The following CFAP92 variants were observed in gnomAD, a reference collection of about 807,000 sequenced individuals.
CFAP92 encodes the protein uncharacterized protein CFAP92.
A neutral mutation model predicts 106.3 loss-of-function variants in CFAP92; 86 were observed. The observed-to-expected ratio is 0.81, with a 90% confidence interval of 0.68 to 0.97. The LOEUF is 0.97. Among genes scored for constraint, CFAP92 ranks in the 50% least tolerant of loss-of-function variants. The pLI is 0.00. For missense variants in CFAP92, 1,204 were observed against 1,283.8 expected, an observed-to-expected ratio of 0.94 and a Z score of 0.95; for synonymous variants, 477 against 506.4, an observed-to-expected ratio of 0.94 and a Z score of 0.78.
At chr3:129,016,704 T>A in the CFAP92 span, among the ~76,000 whole-genome samples, 1 of 152,022 alleles carries the variant, frequency 6.6e-6, no homozygotes, top group East Asian at 2.0e-4. Flanking sequence ...ACTTCTCTGG[T>A]CAAACCCTGA....
At chr3:129,013,523 C>T in the CFAP92 span, among the ~76,000 whole-genome samples, 3 of 152,204 alleles carry the variant, frequency 2.0e-5, no homozygotes, top group African/African-American at 7.2e-5. Flanking sequence ...ACATTCTTCC[C>T]ATAAGGTAGC....
intron 4 of CFAP92, among the ~76,000 whole-genome samples, chr3:128,986,784 C>T (rs1478200743): frequency 2.0e-5 from 3 of 152,178 alleles, no homozygotes; most frequent in African/African-American, 4.8e-5. Flanking sequence ...AAGATGGAGA[C>T]AGGACTGAAT....
intron 9 of CFAP92, among the ~76,000 whole-genome samples, chr3:128,948,522 C>A (rs1940479004): frequency 6.8e-6 from 1 of 146,214 alleles, no homozygotes; most frequent in African/African-American, 2.6e-5. Flanking sequence ...CCGTGCCCAT[C>A]CCGGAATTTT....
At chr3:128,984,073 G>C (rs1433961316) in intron 4 of CFAP92, among the ~76,000 whole-genome samples, 1 of 152,190 alleles carries the variant, frequency 6.6e-6, no homozygotes, top group Non-Finnish European at 1.5e-5. Context: ...CTGGGCACCA[G>C]GTGGGGGTGC....
At chr3:128,989,406 G>A (rs1944075350) in intron 2 of CFAP92, among the ~76,000 whole-genome samples, 1 of 145,136 alleles carries the variant, frequency 6.9e-6, no homozygotes, top group African/African-American at 2.5e-5. Context: ...AGGGTGGGGT[G>A]GGCCTCCCAG....
chr3:128,962,722 A>C (rs1393588811), intron 9 of CFAP92, among the ~76,000 whole-genome samples: 2 of 152,166 alleles, frequency 1.3e-5, no homozygotes, highest in Non-Finnish European at 2.9e-5. Flanking sequence ...AAAAGGATTA[A>C]AGCCTGTGAT....
chr3:128,953,587 CT>C (rs1559891460), intron 9 of CFAP92, among the ~76,000 whole-genome samples: 2 of 116,714 alleles, frequency 1.7e-5, no homozygotes, highest in African/African-American at 1.1e-4. Context: ...CCCTCTCCCT[CT>C]CCCTCTCCCT....
At chr3:128,964,017 AC>A (rs1444562397) in intron 9 of CFAP92, among the ~76,000 whole-genome samples, 5 of 152,182 alleles carry the variant, frequency 3.3e-5, no homozygotes, top group South Asian at 2.1e-4. Flanking sequence ...TGAGAAGGCC[AC>A]CGCAGTCATT....
intron 1 of CFAP92, chr3:129,001,672 C>G: frequency 6.9e-7 from 1 of 1,446,274 alleles, no homozygotes; most frequent in Non-Finnish European, 9.1e-7. Flanking sequence ...ATGGAGGGCG[C>G]GGGAGGTGAC....
intron 12 of CFAP92, among the ~76,000 whole-genome samples, chr3:128,926,196 G>C (rs1872545): frequency 0.43 from 65,773 of 152,132 alleles, 16,718 homozygotes; most frequent in African/African-American, 0.7. Context: ...CAACATTATT[G>C]AGAGAGAGAC....
chr3:128,933,375 G>C lies in CFAP92; in HGVS notation c.2454-378C>G, dbSNP rs569260249. Among the ~76,000 whole-genome samples, 8 of 152,350 alleles carry C rather than the reference G, an allele frequency of 5.3e-5. No individual in the cohort carries two copies. In the East Asian group the frequency reaches 1.3e-3, roughly 26 times the overall value. On this transcript the variant is annotated intron_variant, in intron 11 of 15. Transcript: ENST00000645291. Reference sequence around the variant, plus strand: ...GAGGACATCATACACCGAGCCTCAGGGGGCTGGCTGTTAATAGAGGAGAAG... The same window carrying C: ...GAGGACATCATACACCGAGCCTCAGCGGGCTGGCTGTTAATAGAGGAGAAG...
At chr3:128,978,278 G>A (rs757741087) in intron 4 of CFAP92, 93 bp from the exon 5 acceptor site, 115 of 1,383,510 alleles carry the variant, frequency 8.3e-5, no homozygotes, top group Middle Eastern at 1.8e-4. Flanking sequence ...GACACTGGGC[G>A]TTCGGTTTCA....
intron 15 of CFAP92, 89 bp downstream of exon 15, chr3:128,915,030 A>G: frequency 7.5e-7 from 1 of 1,330,954 alleles, no homozygotes; most frequent in Non-Finnish European, 1.0e-6. Flanking sequence ...TGTAAACAAA[A>G]TGGATACCAC....
chr3:128,927,655 C>T (rs987886545), intron 12 of CFAP92, among the ~76,000 whole-genome samples: 20 of 148,718 alleles, frequency 1.3e-4, no homozygotes, highest in Admixed American at 5.4e-4. Context: ...ACCCAGGAGG[C>T]GGAGCTTGCA....
Position 128,932,810 on chromosome 3 carries a change from TG to T in CFAP92, c.2640del (p.His880GlnfsTer9). ...TCTAAGGTGAGGGTGGAGTTCCGAC[TG>T]TGGTAGTCCTCAAGATTGGGGGCAG... ...PQPAPNLEDYHSRNSTLTLEI... is the reference protein window; with the variant it reads ...PQPAPNLEDYXSRNSTLTLEI... On this transcript the variant is annotated frameshift_variant, in exon 12 of 16. Coordinates refer to ENST00000645291, the MANE Select transcript of CFAP92 (RefSeq NM_001394090.1). LOFTEE classifies it high-confidence loss of function. 1.3e-6 allele frequency: 2 copies of T among 1,536,238 alleles called. No homozygotes were observed. Among genetic ancestry groups the T allele is most frequent in the Non-Finnish European group, 1.7e-6 (2 of 1,146,920 alleles).
rs1363333811 is a variant in CFAP92, at chr3:128,945,529, G to A, written c.1800C>T (p.Ser600=). The change falls in exon 10 of 16, where the codon AGC becomes AGT. Residue 600 remains serine, a synonymous_variant. Coordinates refer to ENST00000645291, the MANE Select transcript of CFAP92 (RefSeq NM_001394090.1). ...EVQPTHCGQD[S]RRRKVVGLGV... is the part of the protein sequence containing the mutation. The stretch of plus-strand genomic sequence containing the variant: ...CAAGCCCCACAACCTTCCTTCTCCT[G>A]CTGTCCTGGCCGCAGTGTGTGGGCT... The A allele has an allele frequency of 3.3e-6, 5 of 1,536,046 alleles. No homozygotes were observed. Among genetic ancestry groups the A allele is most frequent in the East Asian group, 4.9e-5 (2 of 40,920 alleles).
Position 128,988,913 on chromosome 3 carries a change from T to C in CFAP92, c.268A>G (p.Lys90Glu). 6.2e-7 allele frequency: 1 copy of C among 1,611,560 alleles called. No homozygotes were observed. Among genetic ancestry groups the C allele is most frequent in the Non-Finnish European group, 8.5e-7 (1 of 1,178,228 alleles). The change falls in exon 3 of 16, where the codon AAG (lysine) becomes GAG (glutamate). Residue 90 changes from lysine (K) to glutamate (E), a missense_variant. Transcript: ENST00000645291. ...SLAFPVNMGQKGKYASLIEKY... is the reference protein window; with the variant it reads ...SLAFPVNMGQEGKYASLIEKY... ...TCAATCAAACTTGCATATTTTCCCT[T>C]CTGACCTTGAAGATACAGATTGAAA...
rs56217553 is a variant in CFAP92 at position 128,951,324 on chromosome 3, G to A, written c.1354-5349C>T. On this transcript the variant is annotated intron_variant, in intron 9 of 15. Transcript: ENST00000645291. The stretch of plus-strand genomic sequence containing the variant: ...GGGGAAAAAAATGAAGAAATAATCA[G>A]TGAAATAATTTAAGACAATTTCCCG... Among the ~76,000 whole-genome samples, 679 of 152,228 alleles carry A rather than the reference G, an allele frequency of 4.5e-3. 5 individuals carry two copies. Among genetic ancestry groups the A allele is most frequent in the African/African-American group, 0.016 (658 of 41,548 alleles).
intron 11 of CFAP92, among the ~76,000 whole-genome samples, 175 bp downstream of exon 11, chr3:128,934,950 G>A (rs1045052077): frequency 6.6e-6 from 1 of 152,194 alleles, no homozygotes; most frequent in Non-Finnish European, 1.5e-5. Flanking sequence ...CATGCCCCAA[G>A]AACAGTAGAC....
Sources: gnomAD v4.1 joint callset for allele counts (sites outside exome capture counted in the v4.1 genomes callset) on GRCh38, gnomAD v4.1.1 for gene constraint, MANE v1.5 for transcripts, NCBI Gene and HGNC (gene_info 2026-07-23, HGNC 2026-07-21) for gene names.